ALG13: variants seen among roughly 807,000 people sequenced by gnomAD.
ALG13 encodes the protein ALG13 UDP-N-acetylglucosaminyltransferase subunit, also known as UDP-N-acetylglucosamine transferase subunit ALG13.
ALG13 carries 11 observed loss-of-function variants against 87.8 expected under a neutral mutation model. The observed-to-expected ratio is 0.13, with a 90% confidence interval of 0.08 to 0.21. The LOEUF is 0.21. Among genes scored for constraint, ALG13 ranks in the 10% least tolerant of loss-of-function variants. The pLI is 1.00. For missense variants in ALG13, 756 were observed against 866.1 expected, an observed-to-expected ratio of 0.87 and a Z score of 1.60; for synonymous variants, 320 against 306.3, an observed-to-expected ratio of 1.04 and a Z score of -0.47.
At chrX:111,754,185 T>G (rs1945018304) in intron 25 of ALG13, among the ~76,000 whole-genome samples, 1 of 111,553 alleles carries the variant, frequency 9.0e-6, no homozygotes, top group Admixed American at 9.5e-5. Flanking sequence ...CATGATTATC[T>G]CAATAGATGC....
intron 21 of ALG13, among the ~76,000 whole-genome samples, chrX:111,731,414 C>T (rs1006442244): frequency 8.9e-6 from 1 of 112,066 alleles, no homozygotes; most frequent in Non-Finnish European, 1.9e-5. Flanking sequence ...ATTCTGAGAC[C>T]TTCATGGGCA....
chrX:111,728,197 C>T lies in ALG13; in HGVS notation c.2260C>T (p.Pro754Ser), dbSNP rs775045681. Reference sequence around the variant, plus strand: ...CTCTCTGATACAGAATCATGGAGGTCCCTCTACAATGGTTCCTGCTACTTC... The same window carrying T: ...CTCTCTGATACAGAATCATGGAGGTTCCTCTACAATGGTTCCTGCTACTTC... ...AYPTLPNHGG[P>S]STMVPATSGY... Residue 754 changes from proline to serine, a missense_variant, in exon 19 of 27, where the codon CCC becomes TCC. Physicochemically the swap from Pro to Ser is moderately conservative, Grantham distance 74 (BLOSUM62 -1). Transcript: ENST00000394780. 60 of 1,211,018 alleles carry T rather than the reference C, an allele frequency of 5.0e-5. No homozygotes were observed. The highest frequency in any genetic ancestry group is 6.5e-5 in the Non-Finnish European group (58 of 895,088).
chrX:111,688,151 G>C, intron 3 of ALG13: 1 of 847,966 alleles, frequency 1.2e-6, no homozygotes, highest in Non-Finnish European at 1.4e-6. Flanking sequence ...TTTATGTTGT[G>C]CACATTTGCA....
chrX:111,712,087 C>T (rs936524317), intron 6 of ALG13, among the ~76,000 whole-genome samples: 1 of 111,873 alleles, frequency 8.9e-6, no homozygotes, highest in Non-Finnish European at 1.9e-5. Flanking sequence ...TTGTCTTCCT[C>T]TTATGTGGGA....
intron 3 of ALG13, chrX:111,688,772 C>A: frequency 1.4e-6 from 1 of 740,735 alleles, no homozygotes; most frequent in Non-Finnish European, 1.6e-6. Context: ...TATGAATGAA[C>A]AATAAACTGA....
chrX:111,737,765 G>C (rs1405098675), intron 23 of ALG13, among the ~76,000 whole-genome samples: 1 of 112,526 alleles, frequency 8.9e-6, no homozygotes, highest in African/African-American at 3.2e-5. Context: ...ACTGGGAAGG[G>C]ATTTGGTCTC....
chrX:111,747,745 G>A (rs1944373222), intron 24 of ALG13, among the ~76,000 whole-genome samples: 1 of 111,956 alleles, frequency 8.9e-6, no homozygotes, highest in Admixed American at 9.5e-5. Context: ...TCGGCCTCCT[G>A]AAGTGCTGGG....
At chrX:111,731,172 G>C (rs1412764334) in intron 21 of ALG13, among the ~76,000 whole-genome samples, 1 of 112,007 alleles carries the variant, frequency 8.9e-6, no homozygotes, top group Non-Finnish European at 1.9e-5. Flanking sequence ...TCTCAAAGGA[G>C]GCATCCTAAA....
intron 2 of ALG13, 83 bp from the exon 3 acceptor site, chrX:111,684,882 A>G: frequency 1.0e-6 from 1 of 984,399 alleles, no homozygotes; most frequent in East Asian, 3.2e-5. Context: ...AAGTTTTTTA[A>G]CTTTTGATTT....
intron 3 of ALG13, among the ~76,000 whole-genome samples, chrX:111,705,632 T>C (rs777302203): frequency 2.7e-5 from 3 of 112,000 alleles, no homozygotes; most frequent in African/African-American, 9.7e-5. Flanking sequence ...TAGTACAAGG[T>C]GTGAGGTATA....
chrX:111,738,696 C>T (rs1023758064), intron 23 of ALG13, among the ~76,000 whole-genome samples: 2 of 110,658 alleles, frequency 1.8e-5, no homozygotes, highest in Non-Finnish European at 1.9e-5. Context: ...CGCCACCACA[C>T]TCGGCTAATT....
At position 111,751,431 on chromosome X, in the gene ALG13, TC is replaced by T. The variant is rs1168322935; in HGVS notation, c.2933-1357del. On this transcript the variant is annotated intron_variant, in intron 24 of 26. Coordinates refer to ENST00000394780, the MANE Select transcript of ALG13 (RefSeq NM_001099922.3). The stretch of plus-strand genomic sequence containing the variant: ...AACCAAAAAATTGGTGTGACTCACT[TC>T]CTTGCAATATTGGCTTTATTTTTTT... Among the ~76,000 whole-genome samples, 4 of 112,087 alleles carry T rather than the reference TC, an allele frequency of 3.6e-5. No individual in the cohort carries two copies. The East Asian group carries it at 1.1e-3, about 32-fold the overall frequency.
chrX:111,752,358 G>A (rs1311603417), intron 24 of ALG13, among the ~76,000 whole-genome samples: 1 of 111,641 alleles, frequency 9.0e-6, no homozygotes, highest in Non-Finnish European at 1.9e-5. Flanking sequence ...GTAAAATTGA[G>A]AGTGGTATTA....
At chrX:111,709,421 T>TA (rs1420034109) in intron 5 of ALG13, among the ~76,000 whole-genome samples, 1 of 112,374 alleles carries the variant, frequency 8.9e-6, no homozygotes, top group East Asian at 2.8e-4. Context: ...ATGCATATTT[T>TA]AAAATACGTA....
At chrX:111,746,626 CA>C (rs1944261480) in intron 24 of ALG13, among the ~76,000 whole-genome samples, 1 of 111,732 alleles carries the variant, frequency 8.9e-6, no homozygotes, top group Non-Finnish European at 1.9e-5. Flanking sequence ...AAGCTGCTAA[CA>C]AAAAAAGCTG....
chrX:111,686,963 T>C (rs1410442051), intron 3 of ALG13, among the ~76,000 whole-genome samples: 2 of 112,214 alleles, frequency 1.8e-5, no homozygotes, highest in Non-Finnish European at 3.8e-5. Context: ...TTATATTTTC[T>C]TTTCTTTTTT....
In ALG13 at chrX:111,760,057, A is replaced by G; in HGVS notation, c.*58A>G. On this transcript the variant is annotated 3_prime_UTR_variant, in exon 27 of 27. Transcript: ENST00000394780. ...ATTTTCTTGCTGTTTTTGTTTTTAAAAAGTATTTTATGTTAGTGGTTAAAT... is the reference window on the plus strand; with the variant it reads ...ATTTTCTTGCTGTTTTTGTTTTTAAGAAGTATTTTATGTTAGTGGTTAAAT... 1.8e-6 allele frequency: 2 copies of G among 1,111,240 alleles called. No homozygotes were observed. Among genetic ancestry groups the G allele is most frequent in the Admixed American group, 5.2e-5 (2 of 38,367 alleles). The allele number at this position is 1,111,240 out of a possible 1,213,427, so 91.6% of individuals were successfully genotyped here. A position where few individuals can be genotyped will look rare whatever the true frequency, so the allele number is the denominator to read the frequency against.
chrX:111,760,024 G>A lies in ALG13; in HGVS notation c.*25G>A. On this transcript the variant is annotated 3_prime_UTR_variant, in exon 27 of 27. Transcript: ENST00000394780. ...AGATCCAGCAGTATGAAGTATTCTT[G>A]CACTGCCATTTTCTTGCTGTTTTTG... is the stretch of plus-strand genomic sequence containing the variant. The A allele has an allele frequency of 8.4e-7, 1 of 1,188,057 alleles. No homozygotes were observed. Among genetic ancestry groups the A allele is most frequent in the Non-Finnish European group, 1.1e-6 (1 of 883,243 alleles).
intron 12 of ALG13, 97 bp downstream of exon 12, chrX:111,721,808 T>TA (rs1033016048): frequency 8.2e-5 from 40 of 489,677 alleles, no homozygotes; most frequent in Non-Finnish European, 1.4e-4. Context: ...AATACTGTTA[T>TA]AAAAAATAGC....
Sources: gnomAD v4.1 joint callset for allele counts (sites outside exome capture counted in the v4.1 genomes callset) on GRCh38, gnomAD v4.1.1 for gene constraint, MANE v1.5 for transcripts, NCBI Gene and HGNC (gene_info 2026-07-23, HGNC 2026-07-21) for gene names.